Variants in EML5 observed in about 807,000 individuals in gnomAD.
The protein encoded by EML5 is EMAP like 5.
EML5 carries 120 observed loss-of-function variants against 250.0 expected under a neutral mutation model. That is an observed-to-expected ratio of 0.48 (90% CI 0.41 to 0.56). The LOEUF (loss-of-function observed/expected upper bound fraction) is 0.56. Ranked by LOEUF, EML5 falls within the 20% of genes least tolerant of loss-of-function variation. The probability of loss-of-function intolerance (pLI) is 0.00; values close to 1 mark genes in which losing one functional copy is unlikely to be tolerated. For synonymous variants in EML5, 771 were observed against 806.5 expected, an observed-to-expected ratio of 0.96 and a Z score of 0.75; for missense variants, 2,006 against 2,437.6, an observed-to-expected ratio of 0.82 and a Z score of 3.73.
At chr14:88,723,631 G>A (rs1555363170) in intron 8 of EML5, among the ~76,000 whole-genome samples, 1 of 152,154 alleles carries the variant, frequency 6.6e-6, no homozygotes, top group Non-Finnish European at 1.5e-5. Flanking sequence ...AGTATGTGAG[G>A]TGATGGATAT....
Position 88,620,965 on chromosome 14 carries a change from C to T in EML5, c.5203-39G>A. The T allele has an allele frequency of 6.9e-7, 1 of 1,458,464 alleles. No individual in the cohort carries two copies. The highest frequency in any genetic ancestry group is 9.0e-7 in the Non-Finnish European group (1 of 1,107,878). 90.3% of individuals were successfully genotyped at this position (1,458,464 alleles called of 1,614,324 possible). ...AAAAAAAAAAAAGAGTCATAGGAAA[C>T]ATTAAGTGAAGTACTTCTAAATTAT... On this transcript the variant is annotated intron_variant, in intron 38 of 43. Coordinates refer to ENST00000554922, the MANE Select transcript of EML5 (RefSeq NM_183387.3). This position sits in a 1 kb window ranked among gnomAD's most constrained non-coding sequence, Gnocchi z 4.3.
chr14:88,703,629 T>C (rs2093260942), intron 13 of EML5, among the ~76,000 whole-genome samples: 1 of 152,324 alleles, frequency 6.6e-6, no homozygotes, highest in Non-Finnish European at 1.5e-5. Context: ...TTTCAAATTC[T>C]TGATAAGTAT....
intron 4 of EML5, 23 bp from the exon 5 acceptor site, chr14:88,740,595 A>C (rs745654746): frequency 6.6e-7 from 1 of 1,509,940 alleles, no homozygotes; most frequent in Non-Finnish European, 8.9e-7. Context: ...TAGTATAATC[A>C]AATTACCAAA....
chr14:88,701,540 A>C (rs1159670678), intron 14 of EML5, among the ~76,000 whole-genome samples: 2 of 152,150 alleles, frequency 1.3e-5, no homozygotes, highest in Non-Finnish European at 2.9e-5. Context: ...GGAGAGGGAA[A>C]GGAAGGAGAG....
At chr14:88,734,231 C>T (rs2093804897) in intron 7 of EML5, among the ~76,000 whole-genome samples, 1 of 152,004 alleles carries the variant, frequency 6.6e-6, no homozygotes, top group Non-Finnish European at 1.5e-5. Context: ...AATTAAGCAC[C>T]TTTCTGCCTT....
intron 32 of EML5, among the ~76,000 whole-genome samples, chr14:88,638,501 T>C (rs892326514): frequency 1.3e-5 from 2 of 152,232 alleles, no homozygotes; most frequent in African/African-American, 4.8e-5. Context: ...TTCTGCTTTA[T>C]ATGCTATTGA....
At chr14:88,784,931 G>A (rs766822962) in intron 1 of EML5, among the ~76,000 whole-genome samples, 3 of 152,096 alleles carry the variant, frequency 2.0e-5, no homozygotes, top group Admixed American at 6.5e-5. Flanking sequence ...GCTAAGATTC[G>A]GAAGCAACCT....
At chr14:88,640,142 G>C (rs554926001) in intron 31 of EML5, among the ~76,000 whole-genome samples, 2 of 152,104 alleles carry the variant, frequency 1.3e-5, no homozygotes, top group Non-Finnish European at 2.9e-5. Flanking sequence ...CACTGATAGT[G>C]TTAGATCATC....
Position 88,734,006 on chromosome 14 carries a change from C to T in EML5, c.1049+2358G>A, listed in dbSNP as rs181485011. On this transcript the variant is annotated intron_variant, in intron 7 of 43. Coordinates refer to ENST00000554922, the MANE Select transcript of EML5 (RefSeq NM_183387.3). Reference sequence around the variant, plus strand: ...TTTTGCTTACCTAAAACAACCTACACGAAGTAAAAAAAAAAGCAAGTAACA... The same window carrying T: ...TTTTGCTTACCTAAAACAACCTACATGAAGTAAAAAAAAAAGCAAGTAACA... Among the ~76,000 whole-genome samples the T allele has an allele frequency of 4.6e-4, 70 of 150,638 alleles. 1 individual carries two copies. The highest frequency in any genetic ancestry group is 1.4e-3 in the African/African-American group (58 of 41,010).
intron 25 of EML5, 128 bp downstream of exon 25, chr14:88,661,526 G>A (rs1366292128): frequency 1.2e-6 from 1 of 830,362 alleles, no homozygotes; most frequent in Non-Finnish European, 1.8e-6. Flanking sequence ...ACATAATTCT[G>A]AACCTTTCAT....
chr14:88,649,318 G>A (rs1278735171), intron 28 of EML5, among the ~76,000 whole-genome samples: 1 of 152,100 alleles, frequency 6.6e-6, no homozygotes, highest in Non-Finnish European at 1.5e-5. Flanking sequence ...TTACAGGCCT[G>A]AGCCACAATT....
chr14:88,634,166 G>C (rs1303450434), intron 33 of EML5, among the ~76,000 whole-genome samples: 1 of 152,108 alleles, frequency 6.6e-6, no homozygotes, highest in Non-Finnish European at 1.5e-5. Context: ...GTTCTCATGA[G>C]ATCTGCTCGT....
chr14:88,649,772 T>G (rs1453386258), intron 28 of EML5, 140 bp downstream of exon 28: 3 of 643,748 alleles, frequency 4.7e-6, no homozygotes, highest in Admixed American at 3.4e-5. Flanking sequence ...TTTTATAGAA[T>G]TTGTCCTACT....
intron 31 of EML5, among the ~76,000 whole-genome samples, chr14:88,640,471 A>G (rs2091001107): frequency 6.6e-6 from 1 of 152,204 alleles, no homozygotes; most frequent in Non-Finnish European, 1.5e-5. Flanking sequence ...CAATGAAATT[A>G]AGGCAAAAAT....
rs555559441 is a variant in EML5, at chr14:88,615,029, C to T, written c.*789G>A. On this transcript the variant is annotated 3_prime_UTR_variant, in exon 44 of 44. Coordinates refer to ENST00000554922, the MANE Select transcript of EML5 (RefSeq NM_183387.3). The stretch of plus-strand genomic sequence containing the variant: ...AGTTAAATACTGTTGCTCCCTAAAA[C>T]CCTTACATTGTACACCATTGGGAAT... 2 of 152,286 alleles carry T rather than the reference C, an allele frequency of 1.3e-5. No homozygotes were observed. Among genetic ancestry groups the T allele is most frequent in the African/African-American group, 4.8e-5 (2 of 41,538 alleles). 9.4% of individuals were successfully genotyped at this position (152,286 alleles called of 1,614,324 possible). A position where few individuals can be genotyped will look rare whatever the true frequency, so the allele number is the denominator to read the frequency against.
rs2090610604 is a variant in EML5 at position 88,634,450 on chromosome 14, A to G, written c.4357+19T>C. The G allele has an allele frequency of 1.4e-6, 2 of 1,454,056 alleles. No homozygotes were observed. The highest frequency in any genetic ancestry group is 5.3e-5 in the East Asian group (2 of 37,764). The allele number at this position is 1,454,056 out of a possible 1,614,324, so 90.1% of individuals were successfully genotyped here. A position where few individuals can be genotyped will look rare whatever the true frequency, so the allele number is the denominator to read the frequency against. ...ACCAAACAATATAAATAAAGCAGAA[A>G]ATGTTTAGTTTTCCTTACCTGACAT... On this transcript the variant is annotated intron_variant, in intron 33 of 43. Transcript: ENST00000554922.
chr14:88,649,621 T>C (rs1318821597), intron 28 of EML5, among the ~76,000 whole-genome samples: 1 of 152,162 alleles, frequency 6.6e-6, no homozygotes, highest in African/African-American at 2.4e-5. Context: ...GTTAGGTTTG[T>C]TTTTACGAGC....
chr14:88,647,383 A>G (rs1357784914), intron 28 of EML5, among the ~76,000 whole-genome samples: 1 of 152,052 alleles, frequency 6.6e-6, no homozygotes, highest in African/African-American at 2.4e-5. Flanking sequence ...AAAGAAAAAA[A>G]AGAAAGAAAA....
rs66754813 is a variant in EML5 at position 88,684,879 on chromosome 14, A to AT, written c.2982+135dup. 75 of 759,052 alleles carry AT rather than the reference A, an allele frequency of 9.9e-5. No individual in the cohort carries two copies. In the African/African-American group the frequency reaches 1.1e-3, roughly 11 times the overall value. The allele number at this position is 759,052 out of a possible 1,614,324, so 47.0% of individuals were successfully genotyped here. A position where few individuals can be genotyped will look rare whatever the true frequency, so the allele number is the denominator to read the frequency against. On this transcript the variant is annotated intron_variant, in intron 20 of 43. Coordinates refer to ENST00000554922, the MANE Select transcript of EML5 (RefSeq NM_183387.3). ...TAAAATTTTTTTCTGTATACATTAAATTTTTTTTCTGTATACATTAACAAA... is the reference window on the plus strand; with the variant it reads ...TAAAATTTTTTTCTGTATACATTAAATTTTTTTTTCTGTATACATTAACAAA...
Sources: allele counts gnomAD v4.1 joint callset (sites outside exome capture counted in the v4.1 genomes callset), GRCh38; gene constraint gnomAD v4.1.1; non-coding constraint Gnocchi (gnomAD v3.1); transcripts MANE v1.5; gene names NCBI Gene and HGNC (gene_info 2026-07-23, HGNC 2026-07-21).